ZNF189: variants seen among roughly 807,000 people sequenced by gnomAD.
ZNF189 encodes zinc finger protein 189.
Under a neutral mutation model 53.5 loss-of-function variants are expected in ZNF189, and 33 were observed. The ratio of observed to expected loss-of-function variants is 0.62; its 90% confidence interval spans 0.47 to 0.82. ZNF189 has a LOEUF of 0.82. Ranked by LOEUF, ZNF189 falls within the 40% of genes least tolerant of loss-of-function variation. ZNF189 has a pLI of 0.00. For missense variants in ZNF189, 711 were observed against 753.9 expected (o/e 0.94, Z 0.67); for synonymous variants, 247 against 238.8 (o/e 1.03, Z -0.32).
chr9:101,407,322 T>C (rs1049888542), intron 2 of ZNF189: 3 of 397,056 alleles, frequency 7.6e-6, no homozygotes, highest in African/African-American at 6.2e-5. Flanking sequence ...AAATGCTTGT[T>C]AATGAATGAA....
intron 2 of ZNF189, among the ~76,000 whole-genome samples, chr9:101,402,794 A>G (rs1428455559): frequency 6.6e-6 from 1 of 152,178 alleles, no homozygotes. Flanking sequence ...TTAAATATTT[A>G]TATGACTGAG....
chr9:101,403,098 A>ATGTG (rs3983733), intron 2 of ZNF189, among the ~76,000 whole-genome samples: 2,957 of 148,652 alleles, frequency 0.02, 60 homozygotes, highest in African/African-American at 0.047. Context: ...AGCTGCTGAT[A>ATGTG]TGTGTGTGTG....
Position 101,408,998 on chromosome 9 carries a change from T to C in ZNF189, c.1230T>C (p.Ser410=). 6.2e-7 allele frequency: 1 copy of C among 1,614,014 alleles called. No individual in the cohort carries two copies. Among genetic ancestry groups the C allele is most frequent in the South Asian group, 1.1e-5 (1 of 91,052 alleles). ...GTGAGGAATGTGGAAAAGCCTTTAG[T>C]AGAAGCTCAGGTCTTATTCAGCATC... The part of the protein sequence containing the change: ...HKCEECGKAF[S]RSSGLIQHQR... The change falls in exon 3 of 3, where the codon AGT becomes AGC. Residue 410 remains serine (S), a synonymous_variant. Transcript: ENST00000339664.
chr9:101,399,590 G>A (rs1830454591), intron 1 of ZNF189: 17 of 1,293,208 alleles, frequency 1.3e-5, no homozygotes, highest in Middle Eastern at 3.0e-4. Flanking sequence ...CAGTGCAAAT[G>A]GAAAATTGAA....
In ZNF189 at chr9:101,408,994, T is replaced by G; in HGVS notation, c.1226T>G (p.Phe409Cys). Residue 409 changes from phenylalanine (F) to cysteine (C), a missense_variant, in exon 3 of 3, where the codon TTT (phenylalanine) becomes TGT (cysteine). Transcript: ENST00000339664. ...PHKCEECGKAFSRSSGLIQHQ... is the reference protein window; with the variant it reads ...PHKCEECGKACSRSSGLIQHQ... Reference sequence around the variant, plus strand: ...AAATGTGAGGAATGTGGAAAAGCCTTTAGTAGAAGCTCAGGTCTTATTCAG... The same window carrying G: ...AAATGTGAGGAATGTGGAAAAGCCTGTAGTAGAAGCTCAGGTCTTATTCAG... The G allele has an allele frequency of 6.2e-7, 1 of 1,614,074 alleles. No individual in the cohort carries two copies. The highest frequency in any genetic ancestry group is 8.5e-7 in the Non-Finnish European group (1 of 1,180,008).
In ZNF189 at chr9:101,408,577, G is replaced by C. The variant is rs771376620; in HGVS notation, c.809G>C (p.Ser270Thr). ...TGTAGTGACTGTGGGAAAGCCTTCA[G>C]TTGGAAATCACACCTTATTGAGCAT... Reference protein sequence around the residue: ...HKCSDCGKAFSWKSHLIEHQR... With the variant: ...HKCSDCGKAFTWKSHLIEHQR... The change falls in exon 3 of 3, where the codon AGT (serine) becomes ACT (threonine). Residue 270 changes from serine to threonine, a missense_variant. Coordinates refer to ENST00000339664, the MANE Select transcript of ZNF189 (RefSeq NM_003452.4). 1 of 1,614,130 alleles carries C rather than the reference G, an allele frequency of 6.2e-7. No homozygotes were observed. Among genetic ancestry groups the C allele is most frequent in the Non-Finnish European group, 8.5e-7 (1 of 1,180,022 alleles).
At position 101,408,685 on chromosome 9, in the gene ZNF189, A is replaced by G; in HGVS notation, c.917A>G (p.His306Arg). ...AGTCGAAATTCATTGCTTGTTGAGC[A>G]TCAAAGAATTCACACTGGGGAAAGA... ...SFSRNSLLVE[H>R]QRIHTGERPH... The change falls in exon 3 of 3, where the codon CAT (histidine) becomes CGT (arginine). Residue 306 changes from histidine (H) to arginine (R), a missense_variant. His to Arg is a conservative substitution (Grantham distance 29). Transcript: ENST00000339664. 6.2e-7 allele frequency: 1 copy of G among 1,614,234 alleles called. No individual in the cohort carries two copies. Among genetic ancestry groups the G allele is most frequent in the Non-Finnish European group, 8.5e-7 (1 of 1,180,034 alleles).
At chr9:101,407,266 C>T (rs1830749307) in intron 2 of ZNF189, 1 of 395,648 alleles carries the variant, frequency 2.5e-6, no homozygotes, top group South Asian at 1.4e-4. Flanking sequence ...TCTCTGAATC[C>T]TGGCTGATTA....
intron 2 of ZNF189, among the ~76,000 whole-genome samples, chr9:101,404,539 A>G (rs1197453253): frequency 2.0e-5 from 3 of 152,094 alleles, no homozygotes; most frequent in Admixed American, 6.6e-5. Context: ...GTTTATTCCT[A>G]GGTTTTATGT....
At chr9:101,399,351 G>A in intron 1 of ZNF189, 162 bp downstream of exon 1, 1 of 1,384,592 alleles carries the variant, frequency 7.2e-7, no homozygotes, top group Non-Finnish European at 9.3e-7. Flanking sequence ...TGCGGTTCGC[G>A]AACAAACTGC....
intron 2 of ZNF189, among the ~76,000 whole-genome samples, chr9:101,406,795 G>C (rs1386528404): frequency 6.6e-6 from 1 of 152,180 alleles, no homozygotes; most frequent in Admixed American, 6.5e-5. Context: ...AAATCAGGAA[G>C]ATGTCCGAAG....
At chr9:101,400,165 C>G (rs1343403549) in intron 2 of ZNF189, among the ~76,000 whole-genome samples, 155 bp downstream of exon 2, 1 of 152,178 alleles carries the variant, frequency 6.6e-6, no homozygotes, top group Non-Finnish European at 1.5e-5. Context: ...AACTCTCATC[C>G]CTAGCTTCCT....
At position 101,409,429 on chromosome 9, in the gene ZNF189, G is replaced by A. The variant is rs772007390; in HGVS notation, c.1661G>A (p.Gly554Asp). 1 of 1,614,032 alleles carries A rather than the reference G, an allele frequency of 6.2e-7. No homozygotes were observed. The highest frequency in any genetic ancestry group is 8.5e-7 in the Non-Finnish European group (1 of 1,180,024). Residue 554 changes from glycine (G) to aspartate (D), a missense_variant, in exon 3 of 3, where the codon GGT (glycine) becomes GAT (aspartate). Gly to Asp is a moderately conservative substitution (Grantham distance 94). Transcript: ENST00000339664. ...GGAAAGGCCTTTAGCCGGAACTCGG[G>A]TCTTATTCAGCATCAGAGAATACAC... ...ECGKAFSRNS[G>D]LIQHQRIHTG... is the part of the protein sequence containing the mutation.
rs1830863500 is a variant in ZNF189, at chr9:101,409,568, A to C, written c.1800A>C (p.Glu600Asp). 1.5e-5 allele frequency: 24 copies of C among 1,614,066 alleles called. No individual in the cohort carries two copies. The highest frequency in any genetic ancestry group is 1.9e-5 in the Non-Finnish European group (23 of 1,179,984). ...AGGTGAAAACCCAAGAAACCCATGA[A>C]TGTGACGCTTGTGGTGAAGCCTTTA... ...HAEVKTQETHECDACGEAFNC... is the reference protein window; with the variant it reads ...HAEVKTQETHDCDACGEAFNC... The change falls in exon 3 of 3, where the codon GAA becomes GAC. Residue 600 changes from glutamate (E) to aspartate (D), a missense_variant. Transcript: ENST00000339664.
chr9:101,402,247 G>A (rs1030184725), intron 2 of ZNF189, among the ~76,000 whole-genome samples: 2 of 151,770 alleles, frequency 1.3e-5, no homozygotes, highest in Non-Finnish European at 2.9e-5. Flanking sequence ...GAAAGGTAAT[G>A]TGGAGCCTAA....
rs763646183 is a variant in ZNF189 at position 101,399,146 on chromosome 9, C to T, written c.-11C>T. On this transcript the variant is annotated 5_prime_UTR_variant, in exon 1 of 3. Transcript: ENST00000339664. ...CGCCCCCAATTCCTGCCCCTATTCT[C>T]TGCCTGGGAGATGGCTTCCCCGAGC... The T allele has an allele frequency of 1.3e-6, 2 of 1,590,918 alleles. No homozygotes were observed. Among genetic ancestry groups the T allele is most frequent in the East Asian group, 2.2e-5 (1 of 44,620 alleles).
At chr9:101,404,881 T>G (rs1830654864) in intron 2 of ZNF189, among the ~76,000 whole-genome samples, 1 of 152,150 alleles carries the variant, frequency 6.6e-6, no homozygotes. Context: ...AATAATAGAA[T>G]TATGGTCGAG....
rs779005107 is a variant in ZNF189 at position 101,408,952 on chromosome 9, C to G, written c.1184C>G (p.Thr395Arg). 9 of 1,614,004 alleles carry G rather than the reference C, an allele frequency of 5.6e-6. No homozygotes were observed. In the Admixed American group the frequency reaches 1.3e-4, roughly 24 times the overall value. ...CTTACTCGTCATCAGAGAATTCACA[C>G]AGGAGACAAGCCCCATAAATGTGAG... ...CNLTRHQRIHTGDKPHKCEEC... is the reference protein window; with the variant it reads ...CNLTRHQRIHRGDKPHKCEEC... The change falls in exon 3 of 3, where the codon ACA (threonine) becomes AGA (arginine). Residue 395 changes from threonine (T) to arginine (R), a missense_variant. Coordinates refer to ENST00000339664, the MANE Select transcript of ZNF189 (RefSeq NM_003452.4).
chr9:101,399,821 C>G (rs2118177792), intron 1 of ZNF189, 63 bp from the exon 2 acceptor site: 1 of 1,609,190 alleles, frequency 6.2e-7, no homozygotes, highest in South Asian at 1.1e-5. Context: ...GCCTCTGTCA[C>G]TTTTAGTGGT....
Sources: allele counts gnomAD v4.1 joint callset (sites outside exome capture counted in the v4.1 genomes callset), GRCh38; gene constraint gnomAD v4.1.1; transcripts MANE v1.5; gene names NCBI Gene and HGNC (gene_info 2026-07-23, HGNC 2026-07-21).